The following SLC38A12 variants were observed in gnomAD, a reference collection of about 807,000 sequenced individuals.
The protein encoded by SLC38A12 is putative sodium-coupled neutral amino acid transporter 12.
At chr17:74,791,600 C>T in the SLC38A12 span, among the ~76,000 whole-genome samples, 39 of 152,398 alleles carry the variant, frequency 2.6e-4, no homozygotes, top group South Asian at 7.9e-3. Flanking sequence ...ATAACACCTT[C>T]TGACAGCGCT....
At chr17:74,802,225 A>C in the SLC38A12 span, among the ~76,000 whole-genome samples, 9 of 152,246 alleles carry the variant, frequency 5.9e-5, no homozygotes, top group Non-Finnish European at 7.4e-5. Context: ...GGTTCGGTTG[A>C]CTGGCATTAT....
chr17:74,796,640 C>A, the SLC38A12 span, among the ~76,000 whole-genome samples: 1 of 152,254 alleles, frequency 6.6e-6, no homozygotes, highest in East Asian at 1.9e-4. Context: ...TCCTCTCTGC[C>A]TCTCTGGAGC....
the SLC38A12 span, among the ~76,000 whole-genome samples, chr17:74,819,591 A>G: frequency 2.0e-5 from 3 of 152,124 alleles, no homozygotes; most frequent in Non-Finnish European, 4.4e-5. Context: ...ACTGGCACTT[A>G]CCCAAGGTGA....
the SLC38A12 span, among the ~76,000 whole-genome samples, chr17:74,779,457 G>A: frequency 1.3e-5 from 2 of 152,202 alleles, no homozygotes; most frequent in East Asian, 1.9e-4. Context: ...GGGATGGGGA[G>A]GGGATGATGT....
chr17:74,807,553 C>T, the SLC38A12 span, among the ~76,000 whole-genome samples: 1 of 152,362 alleles, frequency 6.6e-6, no homozygotes, highest in South Asian at 2.1e-4. Flanking sequence ...GCCAGCCCCT[C>T]CTTTCCCAGT....
At chr17:74,781,257 C>T in the SLC38A12 span, among the ~76,000 whole-genome samples, 3 of 152,198 alleles carry the variant, frequency 2.0e-5, no homozygotes, top group African/African-American at 4.8e-5. Flanking sequence ...GCCTCTTATA[C>T]TGTTTAGTTT....
chr17:74,794,150 C>T, the SLC38A12 span, among the ~76,000 whole-genome samples: 1 of 152,226 alleles, frequency 6.6e-6, no homozygotes, highest in Admixed American at 6.5e-5. Context: ...TGCACCTGGC[C>T]TTTCTAGCTG....
At chr17:74,801,542 G>A in the SLC38A12 span, among the ~76,000 whole-genome samples, 6 of 152,204 alleles carry the variant, frequency 3.9e-5, no homozygotes, top group African/African-American at 1.4e-4. Context: ...GGTCCTGTTT[G>A]TCCCACACAT....
chr17:74,792,038 C>T, the SLC38A12 span, among the ~76,000 whole-genome samples: 1 of 151,590 alleles, frequency 6.6e-6, no homozygotes, highest in South Asian at 2.1e-4. Context: ...CCCAGCTACT[C>T]GGGAGGCTGA....
chr17:74,835,760 T>C, the SLC38A12 span, among the ~76,000 whole-genome samples: 1 of 152,206 alleles, frequency 6.6e-6, no homozygotes. Flanking sequence ...GACCTTCCTC[T>C]GATGAGCAGC....
the SLC38A12 span, chr17:74,838,474 C>G: frequency 4.9e-6 from 5 of 1,021,036 alleles, no homozygotes; most frequent in Non-Finnish European, 5.9e-6. Context: ...CCCGAGGCTC[C>G]AAACCAAATC....
chr17:74,795,457 TTC>T, the SLC38A12 span: 3 of 1,442,826 alleles, frequency 2.1e-6, no homozygotes, highest in Non-Finnish European at 2.9e-6. Flanking sequence ...AGGGAGTGGC[TTC>T]TGTCTCCCCC....
At chr17:74,810,400 A>C in the SLC38A12 span, among the ~76,000 whole-genome samples, 1 of 152,158 alleles carries the variant, frequency 6.6e-6, no homozygotes, top group Non-Finnish European at 1.5e-5. Flanking sequence ...GATCAGGGGG[A>C]GCCAAGGACA....
chr17:74,811,471 A>G, the SLC38A12 span, among the ~76,000 whole-genome samples: 3 of 152,226 alleles, frequency 2.0e-5, no homozygotes, highest in African/African-American at 7.2e-5. Flanking sequence ...CTGTAATTCC[A>G]GCATTTTGGG....
chr17:74,798,610 T>C, the SLC38A12 span, among the ~76,000 whole-genome samples: 1 of 152,194 alleles, frequency 6.6e-6, no homozygotes, highest in Admixed American at 6.5e-5. Flanking sequence ...CACTTGCTGC[T>C]TCAGTGGGCT....
chr17:74,799,552 A>G, the SLC38A12 span, among the ~76,000 whole-genome samples: 1 of 152,050 alleles, frequency 6.6e-6, no homozygotes. Flanking sequence ...AGTCTTCCCA[A>G]GCTCCCTCCG....
At chr17:74,802,241 C>T in the SLC38A12 span, among the ~76,000 whole-genome samples, 2 of 152,222 alleles carry the variant, frequency 1.3e-5, no homozygotes, top group African/African-American at 4.8e-5. Context: ...ATTATGCCCA[C>T]CATCCATCAT....
chr17:74,836,219 C>T, the SLC38A12 span: 12 of 1,611,660 alleles, frequency 7.4e-6, no homozygotes, highest in Non-Finnish European at 8.5e-6. This position sits in a 1 kb window ranked among gnomAD's most constrained non-coding sequence, Gnocchi z 4.2. Context: ...ACACCCTCAA[C>T]TTCGCGCGCT....
At chr17:74,828,015 C>T in the SLC38A12 span, among the ~76,000 whole-genome samples, 2 of 152,340 alleles carry the variant, frequency 1.3e-5, no homozygotes, top group South Asian at 2.1e-4. Context: ...TCCTGTTCCC[C>T]GCCTGGAGTG....
Sources: gnomAD v4.1 joint callset for allele counts (sites outside exome capture counted in the v4.1 genomes callset) on GRCh38, gnomAD v4.1.1 for gene constraint, Gnocchi (gnomAD v3.1) non-coding constraint, MANE v1.5 for transcripts, NCBI Gene and HGNC (gene_info 2026-07-23, HGNC 2026-07-21) for gene names.